The following HEPH variants were observed in gnomAD, a reference collection of about 807,000 sequenced individuals.
The protein encoded by HEPH is hephaestin.
A neutral mutation model predicts 80.8 loss-of-function variants in HEPH; 69 were observed. The observed-to-expected ratio is 0.85, with a 90% CI of 0.70 to 1.04. The LOEUF (loss-of-function observed/expected upper bound fraction) is 1.04. Ranked by LOEUF, HEPH falls within the 50% of genes least tolerant of loss-of-function variation. The pLI is 0.00. For synonymous variants in HEPH, 431 were observed against 322.8 expected, an observed-to-expected ratio of 1.34 and a Z score of -3.60; for missense variants, 1,115 against 891.3, an observed-to-expected ratio of 1.25 and a Z score of -3.20.
intron 15 of HEPH, among the ~76,000 whole-genome samples, chrX:66,211,565 C>A (rs1211783155): frequency 9.0e-6 from 1 of 111,407 alleles, no homozygotes; most frequent in African/African-American, 3.3e-5. Flanking sequence ...TTTTTTAGCT[C>A]CTGCATATAA....
intron 15 of HEPH, among the ~76,000 whole-genome samples, chrX:66,223,971 C>G (rs754705982): frequency 9.0e-6 from 1 of 111,472 alleles, no homozygotes; most frequent in African/African-American, 3.2e-5. Flanking sequence ...CATGCCTTAA[C>G]TTTCTGACTT....
At chrX:66,229,676 T>A (rs770346949) in intron 15 of HEPH, among the ~76,000 whole-genome samples, 82 of 112,279 alleles carry the variant, frequency 7.3e-4, no homozygotes, top group Non-Finnish European at 1.3e-3. Context: ...TATATCTTAA[T>A]CTCTAAATTG....
chrX:66,241,449 A>T lies in HEPH; in HGVS notation c.2564-13586A>T, dbSNP rs1381866666. On this transcript the variant is annotated intron_variant, in intron 15 of 20. Coordinates refer to ENST00000343002, the MANE Select transcript of HEPH (RefSeq NM_001367233.3). ...GAAAACAGAAAACAAAAAAGAGCTG[A>T]GGTAGCTATTATTATTCAAGATAAA... is the stretch of plus-strand genomic sequence containing the variant. 1.8e-4 allele frequency among the ~76,000 whole-genome samples: 20 copies of T among 111,887 alleles called. No individual in the cohort carries two copies. In the Admixed American group the frequency reaches 1.9e-3, roughly 11 times the overall value.
chrX:66,251,541 T>C (rs1263686499), intron 15 of HEPH, among the ~76,000 whole-genome samples: 1 of 112,277 alleles, frequency 8.9e-6, no homozygotes, highest in African/African-American at 3.2e-5. Flanking sequence ...CTATTTTTAA[T>C]TGGGCTGTTT....
At chrX:66,218,555 G>A (rs1458970664) in intron 15 of HEPH, among the ~76,000 whole-genome samples, 2 of 111,911 alleles carry the variant, frequency 1.8e-5, no homozygotes, top group Non-Finnish European at 3.8e-5. Context: ...TGCAAATGTA[G>A]CAGGACAAGC....
chrX:66,222,193 A>T (rs2089680706), intron 15 of HEPH, among the ~76,000 whole-genome samples: 1 of 113,206 alleles, frequency 8.8e-6, no homozygotes. Flanking sequence ...TGAGAGACAC[A>T]AAGTGAACTT....
At chrX:66,254,996 T>G in intron 15 of HEPH, 39 bp from the exon 16 acceptor site, 3 of 1,011,808 alleles carry the variant, frequency 3.0e-6, no homozygotes, top group Non-Finnish European at 4.1e-6. Context: ...GAGAAATTTC[T>G]GACCCGGTGC....
Position 66,208,012 on chromosome X carries a change from C to A in HEPH, c.2432-103C>A, listed in dbSNP as rs1315033877. 5.3e-6 allele frequency: 3 copies of A among 567,270 alleles called. No homozygotes were observed. In the East Asian group the frequency reaches 1.1e-4, roughly 22 times the overall value. The allele number at this position is 567,270 out of a possible 1,213,427, so 46.7% of individuals were successfully genotyped here. ...TAGAAGGATGTTTTGTCAGGGTAAA[C>A]CACTAATTCTATGAAGTGCTCATAT... On this transcript the variant is annotated intron_variant, in intron 14 of 20. Coordinates refer to ENST00000343002, the MANE Select transcript of HEPH (RefSeq NM_001367233.3).
intron 17 of HEPH, among the ~76,000 whole-genome samples, chrX:66,257,664 A>C (rs146387283): frequency 8.9e-6 from 1 of 112,244 alleles, no homozygotes; most frequent in Non-Finnish European, 1.9e-5. Context: ...GAAATAATGA[A>C]TCGGCTATTG....
At position 66,173,583 on chromosome X, in the gene HEPH, T is replaced by G; in HGVS notation, c.413-6T>G. The G allele has an allele frequency of 1.7e-6, 2 of 1,195,028 alleles. No homozygotes were observed. The highest frequency in any genetic ancestry group is 3.6e-5 in the South Asian group (2 of 55,950). On this transcript the variant is annotated splice_polypyrimidine_tract_variant and splice_region_variant and intron_variant, in intron 3 of 20. Coordinates refer to ENST00000343002, the MANE Select transcript of HEPH (RefSeq NM_001367233.3). ...TGGGCCTGTGCATGTACAATTTCAT[T>G]TCTAGGTTCCCTATACCCAGATGGC...
In HEPH at chrX:66,192,256, G is replaced by A. The variant is rs1453495458; in HGVS notation, c.1190G>A (p.Gly397Glu). ...HEIQWDYGPM[G>E]HDGSTGKNLR... is the part of the protein sequence containing the mutation. ...ATTCAATGGGACTATGGCCCGATGG[G>A]GCATGATGGGAGTACTGGGAAGAAT... is the stretch of plus-strand genomic sequence containing the variant. Residue 397 changes from glycine to glutamate, a missense_variant, in exon 7 of 21, where the codon GGG becomes GAG. This residue lies in a region of HEPH where 391 missense variants were observed against 343.6 expected (regional missense o/e 1.14). Coordinates refer to ENST00000343002, the MANE Select transcript of HEPH (RefSeq NM_001367233.3). 3 of 1,209,217 alleles carry A rather than the reference G, an allele frequency of 2.5e-6. No individual in the cohort carries two copies. Among genetic ancestry groups the A allele is most frequent in the Non-Finnish European group, 3.4e-6 (3 of 894,681 alleles).
At chrX:66,233,931 C>G (rs921559424) in intron 15 of HEPH, among the ~76,000 whole-genome samples, 1 of 110,120 alleles carries the variant, frequency 9.1e-6, no homozygotes, top group African/African-American at 3.3e-5. Context: ...ATTTTAAGTT[C>G]AGGGGTACAT....
At chrX:66,186,388 T>C (rs1024604649) in intron 4 of HEPH, among the ~76,000 whole-genome samples, 1 of 111,114 alleles carries the variant, frequency 9.0e-6, no homozygotes, top group Non-Finnish European at 1.9e-5. Flanking sequence ...GAGCCAGTTG[T>C]GGGATATAGT....
chrX:66,207,182 T>C lies in HEPH; in HGVS notation c.2292-13T>C, dbSNP rs1215670762. 1 of 1,201,568 alleles carries C rather than the reference T, an allele frequency of 8.3e-7. No homozygotes were observed. Among genetic ancestry groups the C allele is most frequent in the Non-Finnish European group, 1.1e-6 (1 of 891,057 alleles). ...ATGGCCAGGTGCTGATAGTACTCTT[T>C]GGATTCCTCTAGTTATGGTTACATT... On this transcript the variant is annotated splice_polypyrimidine_tract_variant and intron_variant, in intron 13 of 20. Coordinates refer to ENST00000343002, the MANE Select transcript of HEPH (RefSeq NM_001367233.3).
At chrX:66,246,077 C>T (rs2090793485) in intron 15 of HEPH, among the ~76,000 whole-genome samples, 1 of 111,702 alleles carries the variant, frequency 9.0e-6, no homozygotes, top group South Asian at 3.8e-4. Context: ...CCCACAGAGT[C>T]CCAGCAGAAG....
At chrX:66,261,544 T>C (rs750313472) in intron 19 of HEPH, among the ~76,000 whole-genome samples, 1 of 109,941 alleles carries the variant, frequency 9.1e-6, no homozygotes, top group Admixed American at 9.7e-5. Context: ...CTGTGTTTTT[T>C]TTTTTTTTTT....
intron 15 of HEPH, among the ~76,000 whole-genome samples, chrX:66,222,847 G>A (rs977477903): frequency 2.7e-5 from 3 of 112,135 alleles, no homozygotes; most frequent in Admixed American, 1.9e-4. Context: ...ATAGTTTGAG[G>A]CAAAATCGAC....
chrX:66,203,937 C>T (rs966870433), intron 13 of HEPH, among the ~76,000 whole-genome samples: 2 of 112,446 alleles, frequency 1.8e-5, no homozygotes, highest in African/African-American at 6.5e-5. Context: ...AAGGTACAGA[C>T]TAAGCTATGT....
chrX:66,190,225 T>C (rs752098550), intron 6 of HEPH, among the ~76,000 whole-genome samples: 1 of 110,331 alleles, frequency 9.1e-6, no homozygotes, highest in Admixed American at 9.8e-5. Context: ...CTTTTTATTA[T>C]TTGCTTAGAA....
Sources: gnomAD v4.1 joint callset for allele counts (sites outside exome capture counted in the v4.1 genomes callset) on GRCh38, gnomAD v4.1.1 for gene constraint, gnomAD v4.1.1 regional missense constraint, MANE v1.5 for transcripts, NCBI Gene and HGNC (gene_info 2026-07-23, HGNC 2026-07-21) for gene names.